PCDHGA2: variants seen among roughly 807,000 people sequenced by gnomAD.
PCDHGA2 encodes protocadherin gamma subfamily A, 2.
PCDHGA2 carries 40 observed loss-of-function variants against 59.2 expected under a neutral mutation model. The ratio of observed to expected loss-of-function variants is 0.68; its 90% CI spans 0.52 to 0.88. The LOEUF (loss-of-function observed/expected upper bound fraction) is 0.88. PCDHGA2 is among the 40% of genes least tolerant of loss of function. PCDHGA2 has a pLI of 0.00. For synonymous variants in PCDHGA2, 560 were observed against 526.0 expected, an observed-to-expected ratio of 1.06 and a Z score of -0.89; for missense variants, 1,226 against 1,204.0, an observed-to-expected ratio of 1.02 and a Z score of -0.27.
At chr5:141,364,629 C>T in intron 1 of PCDHGA2, 2 of 1,614,142 alleles carry the variant, frequency 1.2e-6, no homozygotes, top group African/African-American at 1.3e-5. Context: ...GCTCAGAGCC[C>T]ACTGTGTGTG....
intron 1 of PCDHGA2, among the ~76,000 whole-genome samples, chr5:141,444,977 T>A (rs2098452876): frequency 1.3e-5 from 2 of 152,200 alleles, no homozygotes; most frequent in South Asian, 4.1e-4. Flanking sequence ...TTCAAATCCA[T>A]GAACATGGTA....
chr5:141,385,258 A>G lies in PCDHGA2; in HGVS notation c.2424+43863A>G, dbSNP rs1490610927. ...GCTCATCAGCCAGGAGAGCTGTGAG[A>G]AAAATGATTCTTTGCTAACATCCGT... On this transcript the variant is annotated intron_variant, in intron 1 of 3. Coordinates refer to ENST00000394576, the MANE Select transcript of PCDHGA2 (RefSeq NM_018915.4). 6 of 1,613,776 alleles carry G rather than the reference A, an allele frequency of 3.7e-6. No individual in the cohort carries two copies. In the South Asian group the frequency reaches 6.6e-5, roughly 18 times the overall value.
chr5:141,389,083 A>T, intron 1 of PCDHGA2: 3 of 1,614,058 alleles, frequency 1.9e-6, no homozygotes, highest in Non-Finnish European at 2.5e-6. Context: ...AGAAACACGT[A>T]TAAATTAGTG....
rs530194567 is a variant in PCDHGA2, at chr5:141,417,884, C to G, written c.2424+76489C>G. On this transcript the variant is annotated intron_variant, in intron 1 of 3. Transcript: ENST00000394576. ...GATGGGAGGGAGCTGCGCGCAGAGG[C>G]GCCGGGCCGGCCCGCGGCAGGTACT... 2.1e-4 allele frequency: 327 copies of G among 1,561,600 alleles called. No individual in the cohort carries two copies. In the South Asian group the frequency reaches 3.4e-3, roughly 16 times the overall value.
chr5:141,461,667 G>C (rs1337688159), intron 1 of PCDHGA2, among the ~76,000 whole-genome samples: 4 of 151,994 alleles, frequency 2.6e-5, no homozygotes, highest in African/African-American at 9.7e-5. Context: ...TTTAAAGTTT[G>C]TTATTTTGTT....
chr5:141,407,390 G>T (rs2094924861), intron 1 of PCDHGA2, among the ~76,000 whole-genome samples: 1 of 152,164 alleles, frequency 6.6e-6, no homozygotes, highest in Non-Finnish European at 1.5e-5. Flanking sequence ...GTATGTCATG[G>T]TAGGTAGTTA....
At chr5:141,392,837 C>T (rs772636303) in intron 1 of PCDHGA2, 1 of 1,608,294 alleles carries the variant, frequency 6.2e-7, no homozygotes. Context: ...AGAGTCGCCC[C>T]AGACGCGGCG....
chr5:141,393,447 C>G, intron 1 of PCDHGA2: 1 of 1,614,052 alleles, frequency 6.2e-7, no homozygotes. Flanking sequence ...CCACCTGGTC[C>G]TCACGGCCTC....
At chr5:141,414,949 G>C (rs774769957) in intron 1 of PCDHGA2, 13 of 1,613,978 alleles carry the variant, frequency 8.1e-6, no homozygotes, top group African/African-American at 1.3e-5. Context: ...CGGCTACCTG[G>C]TGACCAAGGT....
At chr5:141,405,032 G>A (rs747720731) in intron 1 of PCDHGA2, 25 of 1,613,806 alleles carry the variant, frequency 1.5e-5, no homozygotes, top group African/African-American at 6.7e-5. Context: ...CCTCTACCTC[G>A]TTGTGGCTGT....
chr5:141,445,302 A>C (rs2098462947), intron 1 of PCDHGA2, among the ~76,000 whole-genome samples: 1 of 152,220 alleles, frequency 6.6e-6, no homozygotes, highest in African/African-American at 2.4e-5. Flanking sequence ...CATTCTCTTC[A>C]GTTTGTAGGT....
chr5:141,485,003 A>G lies in PCDHGA2; in HGVS notation c.2425-9804A>G. On this transcript the variant is annotated intron_variant, in intron 1 of 3. Coordinates refer to ENST00000394576, the MANE Select transcript of PCDHGA2 (RefSeq NM_018915.4). The surrounding 1 kb of genome is among the most constrained non-coding windows in gnomAD (Gnocchi z 5.7). ...CAATCGGGTGGTGAAAGGCAGACAA[A>G]TCTACCCCGCCACCAGCAAAAACGG... 1 of 620,758 alleles carries G rather than the reference A, an allele frequency of 1.6e-6. No homozygotes were observed. The highest frequency in any genetic ancestry group is 2.0e-5 in the South Asian group (1 of 50,492). The allele number at this position is 620,758 out of a possible 1,614,324, so 38.5% of individuals were successfully genotyped here.
At chr5:141,356,362 G>C in intron 1 of PCDHGA2, 1 of 1,558,240 alleles carries the variant, frequency 6.4e-7, no homozygotes, top group Non-Finnish European at 8.7e-7. Flanking sequence ...TTCTATTCCA[G>C]ATAATCTGCC....
At chr5:141,361,689 C>G (rs752885909) in intron 1 of PCDHGA2, 1 of 1,613,502 alleles carries the variant, frequency 6.2e-7, no homozygotes, top group South Asian at 1.1e-5. Context: ...TCGCGCAGCG[C>G]GCCTTCGATC....
At chr5:141,372,131 G>C (rs181587030) in intron 1 of PCDHGA2, 4 of 1,613,644 alleles carry the variant, frequency 2.5e-6, no homozygotes, top group African/African-American at 1.3e-5. Context: ...ATATGGTGCC[G>C]CGCTCTGCAG....
chr5:141,429,960 A>C (rs981722031), intron 1 of PCDHGA2, among the ~76,000 whole-genome samples: 2 of 152,244 alleles, frequency 1.3e-5, no homozygotes, highest in African/African-American at 4.8e-5. Flanking sequence ...AGTCAATGCA[A>C]GTTGGAATGC....
At chr5:141,346,808 G>GA (rs1757808516) in intron 1 of PCDHGA2, among the ~76,000 whole-genome samples, 3 of 152,150 alleles carry the variant, frequency 2.0e-5, no homozygotes, top group South Asian at 4.1e-4. Flanking sequence ...ACACAACACT[G>GA]GTTTGTATAC....
At chr5:141,368,172 A>G (rs1160663847) in intron 1 of PCDHGA2, among the ~76,000 whole-genome samples, 2 of 152,230 alleles carry the variant, frequency 1.3e-5, no homozygotes, top group African/African-American at 4.8e-5. Context: ...TCAGCTTCAA[A>G]TAATGACTAA....
intron 1 of PCDHGA2, chr5:141,408,762 A>G (rs369793035): frequency 1.9e-5 from 30 of 1,610,942 alleles, no homozygotes; most frequent in Non-Finnish European, 2.3e-5. Flanking sequence ...GTTAATTCCG[A>G]TGGTGGCAAA....
Sources: gnomAD v4.1 joint callset for allele counts (sites outside exome capture counted in the v4.1 genomes callset) on GRCh38, gnomAD v4.1.1 for gene constraint, Gnocchi (gnomAD v3.1) non-coding constraint, MANE v1.5 for transcripts, NCBI Gene and HGNC (gene_info 2026-07-23, HGNC 2026-07-21) for gene names.